Variants in SNRNP70 observed in about 807,000 individuals in gnomAD.
SNRNP70 encodes U1 small nuclear ribonucleoprotein 70 kDa.
SNRNP70 carries 8 observed loss-of-function variants against 50.5 expected under a neutral mutation model. That is an observed-to-expected ratio of 0.16 (90% CI 0.09 to 0.29). SNRNP70 has a LOEUF of 0.29. Among genes scored for constraint, SNRNP70 ranks in the 10% least tolerant of loss-of-function variants. SNRNP70 has a pLI of 1.00. For synonymous variants in SNRNP70, 320 were observed against 252.9 expected (o/e 1.27, Z -2.52); for missense variants, 529 against 663.5 (o/e 0.80, Z 2.23).
At chr19:49,096,376 T>C (rs2040513685) in intron 4 of SNRNP70, among the ~76,000 whole-genome samples, 1 of 151,630 alleles carries the variant, frequency 6.6e-6, no homozygotes. Context: ...ACTTGAGGAG[T>C]GGGTGGAGAG....
intron 2 of SNRNP70, among the ~76,000 whole-genome samples, chr19:49,086,815 C>T (rs2040386427): frequency 6.6e-6 from 1 of 151,684 alleles, no homozygotes; most frequent in Non-Finnish European, 1.5e-5. Flanking sequence ...GGCTGGAGTG[C>T]TTTGTGATTG....
chr19:49,088,779 G>A (rs2040413823), intron 2 of SNRNP70, among the ~76,000 whole-genome samples: 1 of 152,184 alleles, frequency 6.6e-6, no homozygotes, highest in African/African-American at 2.4e-5. Context: ...ACAGGCATGA[G>A]CCACTGCACC....
chr19:49,090,236 C>T (rs944279598), intron 2 of SNRNP70, 55 bp from the exon 3 acceptor site: 2 of 1,485,102 alleles, frequency 1.3e-6, no homozygotes, highest in African/African-American at 2.8e-5. Flanking sequence ...TGGTGAGTGT[C>T]CCTTGCCATT....
In SNRNP70 at chr19:49,107,762, G is replaced by A. The variant is rs140903898; in HGVS notation, c.666-33G>A. 1,090 of 1,611,622 alleles carry A rather than the reference G, an allele frequency of 6.8e-4. 6 individuals are homozygous for A. In the African/African-American group the frequency reaches 0.013, roughly 19 times the overall value. ...GGGGTGGGGGGCGGTCACGGGGGGAGCCCAGCCACACAGGTCTGCCCACCT... is the reference window on the plus strand; with the variant it reads ...GGGGTGGGGGGCGGTCACGGGGGGAACCCAGCCACACAGGTCTGCCCACCT... On this transcript the variant is annotated intron_variant, in intron 9 of 9. Transcript: ENST00000598441. This position sits in a 1 kb window ranked among gnomAD's most constrained non-coding sequence, Gnocchi z 6.0.
chr19:49,094,268 G>T (rs1382850047), intron 4 of SNRNP70, among the ~76,000 whole-genome samples: 1 of 152,184 alleles, frequency 6.6e-6, no homozygotes, highest in African/African-American at 2.4e-5. Context: ...ACTCTGGGAG[G>T]CTGAGGTGGG....
At chr19:49,100,453 G>A (rs186501249) in intron 6 of SNRNP70, among the ~76,000 whole-genome samples, 25 of 152,152 alleles carry the variant, frequency 1.6e-4, no homozygotes, top group African/African-American at 2.2e-4. Flanking sequence ...ATCCCTCATC[G>A]TGCCACGTTC....
At chr19:49,093,995 C>T (rs1391903428) in intron 4 of SNRNP70, among the ~76,000 whole-genome samples, 3 of 152,124 alleles carry the variant, frequency 2.0e-5, no homozygotes, top group African/African-American at 7.2e-5. Context: ...TACACTCCAG[C>T]CCGGGCAATA....
At chr19:49,091,045 G>A (rs2040441027) in intron 4 of SNRNP70, among the ~76,000 whole-genome samples, 1 of 152,110 alleles carries the variant, frequency 6.6e-6, no homozygotes, top group Non-Finnish European at 1.5e-5. Flanking sequence ...CACTCAGCAG[G>A]GGACCGTGGA....
intron 4 of SNRNP70, among the ~76,000 whole-genome samples, chr19:49,091,359 C>T (rs995061556): frequency 6.6e-6 from 1 of 150,742 alleles, no homozygotes; most frequent in Non-Finnish European, 1.5e-5. Flanking sequence ...GGGCAACAAG[C>T]AAAAATCTGT....
chr19:49,099,304 G>A (rs376003566), intron 6 of SNRNP70, among the ~76,000 whole-genome samples: 4 of 152,140 alleles, frequency 2.6e-5, no homozygotes, highest in Non-Finnish European at 4.4e-5. Context: ...ATACATGTCA[G>A]GCCGGGTGCA....
Position 49,086,433 on chromosome 19 carries a change from C to G in SNRNP70, c.19C>G (p.Pro7Ala). 1 of 1,613,518 alleles carries G rather than the reference C, an allele frequency of 6.2e-7. No homozygotes were observed. Among genetic ancestry groups the G allele is most frequent in the Non-Finnish European group, 8.5e-7 (1 of 1,179,694 alleles). ...TGGCAAGATGACCCAGTTCCTGCCG[C>G]CCAACCTTCTGGCCCTCTTTGCCCC... MTQFLP[P>A]NLLALFAPRD... is the part of the protein sequence containing the mutation. The change falls in exon 2 of 10, where the codon CCC becomes GCC. Residue 7 changes from proline to alanine, a missense_variant. Physicochemically the swap from Pro to Ala is conservative, Grantham distance 27. Transcript: ENST00000598441.
rs373191644 is a variant in SNRNP70 at position 49,101,470 on chromosome 19, C to T, written c.474C>T (p.His158=). 25 of 1,610,584 alleles carry T rather than the reference C, an allele frequency of 1.6e-5. No homozygotes were observed. The African/African-American group carries it at 3.2e-4, about 21-fold the overall frequency. Residue 158 remains histidine (H), a splice_region_variant and synonymous_variant, in exon 7 of 10, where the codon CAC becomes CAT. Coordinates refer to ENST00000598441, the MANE Select transcript of SNRNP70 (RefSeq NM_003089.6). ...AGTACGAACACGAGCGAGACATGCA[C>T]TGTGAGTACCTCCCGCCGAGCCCTG... The part of the protein sequence containing the change: ...FIEYEHERDM[H]SAYKHADGKK...
chr19:49,091,207 A>G (rs4802555), intron 4 of SNRNP70, among the ~76,000 whole-genome samples: 4,326 of 152,042 alleles, frequency 0.028, 94 homozygotes, highest in Non-Finnish European at 0.045. Flanking sequence ...TGTCTCTACT[A>G]AAAGTACAAA....
At chr19:49,103,083 G>T (rs1600288526) in intron 7 of SNRNP70, 1 of 152,782 alleles carries the variant, frequency 6.5e-6, no homozygotes, top group East Asian at 1.9e-4. Context: ...CGCAGCTGGT[G>T]GGAGGGAGCA....
Position 49,098,837 on chromosome 19 carries a change from CTG to C in SNRNP70, c.393+135_393+136del, listed in dbSNP as rs1366918261. Reference sequence around the variant, plus strand: ...CAGGGCCTGGATTTATGCATCCTGACTGTATCTCCATGCAGCAGACCTTGGGC... The same window carrying C: ...CAGGGCCTGGATTTATGCATCCTGACTATCTCCATGCAGCAGACCTTGGGC... On this transcript the variant is annotated intron_variant, in intron 6 of 9. Coordinates refer to ENST00000598441, the MANE Select transcript of SNRNP70 (RefSeq NM_003089.6). The C allele has an allele frequency of 3.8e-5, 28 of 739,264 alleles. No homozygotes were observed. In the East Asian group the frequency reaches 6.7e-4, roughly 18 times the overall value. 45.8% of individuals were successfully genotyped at this position (739,264 alleles called of 1,614,324 possible).
intron 4 of SNRNP70, 43 bp downstream of exon 4, chr19:49,090,563 C>G (rs377272379): frequency 1.9e-6 from 3 of 1,580,532 alleles, no homozygotes; most frequent in African/African-American, 2.7e-5. Flanking sequence ...TCTCCCAAAC[C>G]CTCTGTATTC....
chr19:49,088,429 G>A (rs1344082761), intron 2 of SNRNP70, among the ~76,000 whole-genome samples: 1 of 149,738 alleles, frequency 6.7e-6, no homozygotes, highest in Admixed American at 6.7e-5. Context: ...TTGATCTCCT[G>A]ACCTTGTGAT....
chr19:49,104,713 G>T lies in SNRNP70; in HGVS notation c.555G>T (p.Lys185Asn). The change falls in exon 8 of 10, where the codon AAG (lysine) becomes AAT (asparagine). Residue 185 changes from lysine (K) to asparagine (N), a missense_variant. Physicochemically the swap from Lys to Asn is moderately conservative, Grantham distance 94 (BLOSUM62 0). This residue lies in a region of SNRNP70 where 149 missense variants were observed against 259.7 expected (regional missense o/e 0.57). Transcript: ENST00000598441. This position sits in a 1 kb window ranked among gnomAD's most constrained non-coding sequence, Gnocchi z 5.4. ...LVDVERGRTV[K>N]GWRPRRLGGG... is the part of the protein sequence containing the mutation. ...ACGTGGAGAGGGGCCGAACCGTGAAGGGCTGGAGGCCCCGGCGGCTAGGTG... is the reference window on the plus strand; with the variant it reads ...ACGTGGAGAGGGGCCGAACCGTGAATGGCTGGAGGCCCCGGCGGCTAGGTG... 6.4e-7 allele frequency: 1 copy of T among 1,554,768 alleles called. No individual in the cohort carries two copies. The highest frequency in any genetic ancestry group is 8.7e-7 in the Non-Finnish European group (1 of 1,149,232).
At chr19:49,093,152 G>A (rs1600276156) in intron 4 of SNRNP70, among the ~76,000 whole-genome samples, 1 of 151,994 alleles carries the variant, frequency 6.6e-6, no homozygotes. Context: ...CTGGAGTGTA[G>A]TGGTACGATC....
Sources: gnomAD v4.1 joint callset for allele counts (sites outside exome capture counted in the v4.1 genomes callset) on GRCh38, gnomAD v4.1.1 for gene constraint, gnomAD v4.1.1 regional missense constraint, Gnocchi (gnomAD v3.1) non-coding constraint, MANE v1.5 for transcripts, NCBI Gene and HGNC (gene_info 2026-07-23, HGNC 2026-07-21) for gene names.